TBC1D9: variants seen among roughly 807,000 people sequenced by gnomAD.
TBC1D9 encodes the protein TBC1 domain family member 9, also known as TBC1 domain family member 9A.
TBC1D9 carries 63 observed loss-of-function variants against 132.0 expected under a neutral mutation model. The observed-to-expected ratio is 0.48, with a 90% CI of 0.39 to 0.59. The LOEUF (loss-of-function observed/expected upper bound fraction) is 0.59, where lower values mean the gene tolerates loss of function less well. Among genes scored for constraint, TBC1D9 ranks in the 20% least tolerant of loss-of-function variants. The probability of loss-of-function intolerance (pLI) is 0.00; values close to 1 mark genes in which losing one functional copy is unlikely to be tolerated. For missense variants in TBC1D9, 1,261 were observed against 1,592.7 expected (o/e 0.79, Z 3.54); for synonymous variants, 610 against 609.9 (o/e 1.00, Z 0.00).
intron 2 of TBC1D9, among the ~76,000 whole-genome samples, chr4:140,698,745 G>T (rs1193297302): frequency 6.6e-6 from 1 of 151,388 alleles, no homozygotes; most frequent in Non-Finnish European, 1.5e-5. Context: ...CTCGGGGGTG[G>T]GGGGGGGAAA....
Position 140,740,964 on chromosome 4 carries a change from A to C in TBC1D9, c.130+14952T>G, listed in dbSNP as rs542663160. 2.5e-4 allele frequency among the ~76,000 whole-genome samples: 38 copies of C among 152,190 alleles called. 1 individual carries two copies. Among genetic ancestry groups the C allele is most frequent in the Non-Finnish European group, 5.0e-4 (34 of 68,022 alleles). On this transcript the variant is annotated intron_variant, in intron 1 of 20. Coordinates refer to ENST00000442267, the MANE Select transcript of TBC1D9 (RefSeq NM_015130.3). ...CCAAAAATAAAATTCTAAGCCCTCC[A>C]ACCAACTGAATGGACCTCTCCTCTC...
At chr4:140,702,387 G>A (rs1302557987) in intron 1 of TBC1D9, among the ~76,000 whole-genome samples, 1 of 152,200 alleles carries the variant, frequency 6.6e-6, no homozygotes, top group Non-Finnish European at 1.5e-5. Context: ...TTAAGAACAG[G>A]CTGTACCTTC....
chr4:140,663,477 CA>C (rs1488597425), intron 9 of TBC1D9, among the ~76,000 whole-genome samples: 1 of 152,180 alleles, frequency 6.6e-6, no homozygotes, highest in African/African-American at 2.4e-5. Flanking sequence ...TTACAGAAAA[CA>C]GTATAGAGAT....
chr4:140,756,197 G>A lies in TBC1D9; in HGVS notation c.-152C>T, dbSNP rs1739013306. The A allele has an allele frequency of 1.1e-5, 5 of 465,830 alleles. No individual in the cohort carries two copies. Among genetic ancestry groups the A allele is most frequent in the Admixed American group, 4.6e-5 (1 of 21,772 alleles). 28.9% of individuals were successfully genotyped at this position (465,830 alleles called of 1,614,324 possible). A position where few individuals can be genotyped will look rare whatever the true frequency, so the allele number is the denominator to read the frequency against. ...CGGCGGCAGGCGACTTCAGGGGGTG[G>A]CCCGCGGCGTCCGGGCCACAACAAA... On this transcript the variant is annotated 5_prime_UTR_variant, in exon 1 of 21. Coordinates refer to ENST00000442267, the MANE Select transcript of TBC1D9 (RefSeq NM_015130.3). This position sits in a 1 kb window ranked among gnomAD's most constrained non-coding sequence, Gnocchi z 5.6.
chr4:140,731,707 C>T (rs1738593656), intron 1 of TBC1D9, among the ~76,000 whole-genome samples: 1 of 151,616 alleles, frequency 6.6e-6, no homozygotes, highest in Non-Finnish European at 1.5e-5. Flanking sequence ...CAAACATTTG[C>T]AGGGTACTTC....
chr4:140,629,249 G>A (rs573489748), intron 16 of TBC1D9, among the ~76,000 whole-genome samples: 1 of 152,292 alleles, frequency 6.6e-6, no homozygotes. Context: ...AAGTTCTTCT[G>A]TAATTTTTAG....
chr4:140,669,570 A>G, intron 8 of TBC1D9, 64 bp downstream of exon 8: 3 of 1,512,628 alleles, frequency 2.0e-6, no homozygotes, highest in East Asian at 2.4e-5. Context: ...ACTTACAGTA[A>G]AAAATATTGT....
At chr4:140,695,742 G>A (rs1430263863) in intron 2 of TBC1D9, among the ~76,000 whole-genome samples, 2 of 152,162 alleles carry the variant, frequency 1.3e-5, no homozygotes, top group African/African-American at 4.8e-5. Context: ...GGCCAAGGAA[G>A]ACAATGGACT....
At chr4:140,709,283 C>A (rs532294248) in intron 1 of TBC1D9, among the ~76,000 whole-genome samples, 70 of 151,194 alleles carry the variant, frequency 4.6e-4, no homozygotes, top group African/African-American at 1.7e-3. Context: ...CACACACACA[C>A]ACACACCCCA....
chr4:140,691,663 C>T (rs921900679), intron 2 of TBC1D9, among the ~76,000 whole-genome samples: 1 of 152,212 alleles, frequency 6.6e-6, no homozygotes, highest in African/African-American at 2.4e-5. Context: ...AGTTAAAGCA[C>T]TCTGCTGTGG....
At chr4:140,643,470 G>A (rs1048426547) in intron 13 of TBC1D9, 1 of 894,888 alleles carries the variant, frequency 1.1e-6, no homozygotes, top group African/African-American at 1.6e-5. Flanking sequence ...CAGGTAGCAG[G>A]TGCTGCCGGG....
At chr4:140,702,959 A>G (rs946242237) in intron 1 of TBC1D9, among the ~76,000 whole-genome samples, 2 of 152,212 alleles carry the variant, frequency 1.3e-5, no homozygotes, top group Non-Finnish European at 2.9e-5. Flanking sequence ...TCAATTGCCA[A>G]ATGGAGACAC....
chr4:140,747,527 CAGG>C (rs1191767042), intron 1 of TBC1D9, among the ~76,000 whole-genome samples: 1 of 152,054 alleles, frequency 6.6e-6, no homozygotes. Context: ...ATCAACTAAT[CAGG>C]ACAACTATAC....
chr4:140,656,497 A>C (rs1319622316), intron 13 of TBC1D9, among the ~76,000 whole-genome samples: 3 of 152,146 alleles, frequency 2.0e-5, no homozygotes, highest in Non-Finnish European at 4.4e-5. Context: ...CTGACAGAAA[A>C]ATGCAAGTTA....
intron 2 of TBC1D9, among the ~76,000 whole-genome samples, chr4:140,690,760 G>T (rs938956854): frequency 1.3e-5 from 2 of 152,100 alleles, no homozygotes; most frequent in Admixed American, 6.5e-5. Flanking sequence ...AGTATAGCAG[G>T]AACTCTAAAA....
At chr4:140,742,767 CT>C (rs1738779689) in intron 1 of TBC1D9, among the ~76,000 whole-genome samples, 1 of 152,066 alleles carries the variant, frequency 6.6e-6, no homozygotes, top group African/African-American at 2.4e-5. Flanking sequence ...GTCTTTCCCA[CT>C]CCAGTCCTCT....
Position 140,669,673 on chromosome 4 carries a change from C to T in TBC1D9, c.1398G>A (p.Met466Ile), listed in dbSNP as rs1285769742. Residue 466 changes from methionine to isoleucine, a missense_variant, in exon 8 of 21, where the codon ATG becomes ATA. Physicochemically the swap from Met to Ile is conservative, Grantham distance 10. Around this residue, in one of 3 missense-constraint regions of TBC1D9, gnomAD observed 550 missense variants for 699.0 expected, o/e 0.79. Coordinates refer to ENST00000442267, the MANE Select transcript of TBC1D9 (RefSeq NM_015130.3). ...ACTCCTCGGGAGACCGCCGCCGATA[C>T]ATGGTCATCAGGGTCTGTGTGGCTG... is the stretch of plus-strand genomic sequence containing the variant. Reference protein sequence around the residue: ...VPTATQTLMTMYRRRSPEEFN... With the variant: ...VPTATQTLMTIYRRRSPEEFN... The T allele has an allele frequency of 6.2e-7, 1 of 1,613,664 alleles. No homozygotes were observed. The highest frequency in any genetic ancestry group is 1.1e-5 in the South Asian group (1 of 91,038).
intron 6 of TBC1D9, among the ~76,000 whole-genome samples, chr4:140,676,343 G>A (rs1737623945): frequency 6.6e-6 from 1 of 152,198 alleles, no homozygotes; most frequent in African/African-American, 2.4e-5. Flanking sequence ...GCCTCGTTAA[G>A]CTTGAATTGT....
chr4:140,703,863 T>C (rs1482353941), intron 1 of TBC1D9, among the ~76,000 whole-genome samples: 1 of 152,206 alleles, frequency 6.6e-6, no homozygotes, highest in Non-Finnish European at 1.5e-5. Context: ...ATATGCATTT[T>C]TGTTTGCTTT....
Sources: allele counts gnomAD v4.1 joint callset (sites outside exome capture counted in the v4.1 genomes callset), GRCh38; gene constraint gnomAD v4.1.1; regional missense constraint gnomAD v4.1.1; non-coding constraint Gnocchi (gnomAD v3.1); transcripts MANE v1.5; gene names NCBI Gene and HGNC (gene_info 2026-07-23, HGNC 2026-07-21).